PTP4A2: variants seen among roughly 807,000 people sequenced by gnomAD.
PTP4A2 encodes protein tyrosine phosphatase 4A2.
Under a neutral mutation model 22.9 loss-of-function variants are expected in PTP4A2, and 2 were observed. The ratio of observed to expected loss-of-function variants is 0.09; its 90% confidence interval spans 0.04 to 0.27. PTP4A2 has a LOEUF of 0.27. Among genes scored for constraint, PTP4A2 ranks in the 10% least tolerant of loss-of-function variants. PTP4A2 has a pLI of 1.00. For missense variants in PTP4A2, 103 were observed against 205.1 expected, an observed-to-expected ratio of 0.50 and a Z score of 3.04; for synonymous variants, 68 against 69.1, an observed-to-expected ratio of 0.98 and a Z score of 0.08.
chr1:31,937,725 C>A, intron 1 of PTP4A2: 1 of 152,770 alleles, frequency 6.5e-6, no homozygotes, highest in Non-Finnish European at 1.5e-5. Context: ...CACCTCCTCG[C>A]ACGGACACTC....
chr1:31,915,065 A>T (rs1016524902), intron 3 of PTP4A2, among the ~76,000 whole-genome samples: 4 of 152,224 alleles, frequency 2.6e-5, no homozygotes, highest in African/African-American at 9.6e-5. Context: ...TATGGACTTA[A>T]GAATGTCTGA....
intron 1 of PTP4A2, among the ~76,000 whole-genome samples, chr1:31,922,610 CTTT>C (rs1652223305): frequency 6.8e-6 from 1 of 148,078 alleles, no homozygotes; most frequent in African/African-American, 2.6e-5. Flanking sequence ...TTCTTTCTTT[CTTT>C]CTTTCTTTCT....
intron 5 of PTP4A2, 120 bp downstream of exon 5, chr1:31,909,918 A>T: frequency 1.3e-6 from 1 of 777,662 alleles, no homozygotes; most frequent in Non-Finnish European, 2.0e-6. Flanking sequence ...ATCTTCAAAT[A>T]ATACTTCAAG....
At chr1:31,926,930 G>A (rs911804747) in intron 1 of PTP4A2, among the ~76,000 whole-genome samples, 1 of 152,108 alleles carries the variant, frequency 6.6e-6, no homozygotes, top group Non-Finnish European at 1.5e-5. Context: ...ACAGGTATTT[G>A]GGGAGCATTT....
Position 31,911,813 on chromosome 1 carries a change from T to C in PTP4A2, c.203A>G (p.Asp68Gly). The C allele has an allele frequency of 1.3e-6, 2 of 1,576,420 alleles. No homozygotes were observed. Among genetic ancestry groups the C allele is most frequent in the Non-Finnish European group, 1.7e-6 (2 of 1,167,308 alleles). The change falls in exon 4 of 6, where the codon GAT becomes GGT. Residue 68 changes from aspartate (D) to glycine (G), a missense_variant. Physicochemically the swap from Asp to Gly is moderately conservative, Grantham distance 94 (BLOSUM62 -1). Coordinates refer to ENST00000647444, the MANE Select transcript of PTP4A2 (RefSeq NM_080391.4). ...EGIHVLDWPFDDGAPPPNQIV... is the reference protein window; with the variant it reads ...EGIHVLDWPFGDGAPPPNQIV... ...CTGATTAGGGGGTGGAGCTCCATCA[T>C]CAAATGGCCAATCCTGAAAAGAAAT... is the stretch of plus-strand genomic sequence containing the variant.
intron 1 of PTP4A2, among the ~76,000 whole-genome samples, chr1:31,927,628 T>C (rs72890915): frequency 0.025 from 3,793 of 152,178 alleles, 143 homozygotes; most frequent in African/African-American, 0.086. Flanking sequence ...AGGAGACAAG[T>C]AGATATAATG....
intron 1 of PTP4A2, chr1:31,924,147 C>T (rs1293202724): frequency 2.0e-5 from 3 of 152,164 alleles, no homozygotes; most frequent in Non-Finnish European, 4.4e-5. Context: ...AAGTTTTCTA[C>T]CTAGTCTCCA....
chr1:31,937,869 G>T, intron 1 of PTP4A2, 118 bp downstream of exon 1: 1 of 149,346 alleles, frequency 6.7e-6, no homozygotes, highest in Non-Finnish European at 1.5e-5. Context: ...GGCCCGGCCC[G>T]GCCCTCCTTC....
chr1:31,930,574 T>C (rs1652684742), intron 1 of PTP4A2, among the ~76,000 whole-genome samples: 1 of 152,194 alleles, frequency 6.6e-6, no homozygotes, highest in Non-Finnish European at 1.5e-5. Flanking sequence ...GTTTCTGCTG[T>C]TCAGGCACTC....
At chr1:31,918,729 C>T (rs955444458) in intron 2 of PTP4A2, among the ~76,000 whole-genome samples, 12 of 151,974 alleles carry the variant, frequency 7.9e-5, no homozygotes, top group African/African-American at 2.9e-4. Context: ...GAATGTTTGA[C>T]CAAAAAAACC....
intron 2 of PTP4A2, among the ~76,000 whole-genome samples, chr1:31,916,258 T>A (rs1651828431): frequency 7.1e-6 from 1 of 139,868 alleles, no homozygotes; most frequent in African/African-American, 2.8e-5. Flanking sequence ...GGCAGGAGAA[T>A]CGCTTGAACC....
At position 31,913,576 on chromosome 1, in the gene PTP4A2, A is replaced by AT. The variant is rs574348504; in HGVS notation, c.190-1751dup. Among the ~76,000 whole-genome samples the AT allele has an allele frequency of 1.4e-3, 207 of 144,670 alleles. 1 individual carries two copies. The highest frequency in any genetic ancestry group is 4.8e-3 in the African/African-American group (189 of 39,402). 94.9% of individuals were successfully genotyped at this position (144,670 alleles called of 152,430 possible). ...TTTCACCACATCCCTGACAACATCT[A>AT]TTTTTTTTTTTAATTTTTTGATTAC... On this transcript the variant is annotated intron_variant, in intron 3 of 5. Transcript: ENST00000647444.
At chr1:31,913,854 A>C (rs1344459717) in intron 3 of PTP4A2, 1 of 456,162 alleles carries the variant, frequency 2.2e-6, no homozygotes. Flanking sequence ...CTGTCAAAAC[A>C]AGTTGATTTT....
In PTP4A2 at chr1:31,920,372, G is replaced by A. The variant is rs532828828; in HGVS notation, c.-593-714C>T. On this transcript the variant is annotated intron_variant, in intron 1 of 5. Transcript: ENST00000647444. ...GCAGGAGAATTGCTTGAACCTGGGA[G>A]GTGGAGGTTGCAGTGAGCTGAGATT... 2.6e-5 allele frequency among the ~76,000 whole-genome samples: 4 copies of A among 151,626 alleles called. No homozygotes were observed. The South Asian group carries it at 6.2e-4, about 24-fold the overall frequency.
rs1018351064 is a variant in PTP4A2, at chr1:31,919,190, C to T, written c.-125G>A. On this transcript the variant is annotated 5_prime_UTR_variant, in exon 2 of 6. Transcript: ENST00000647444. Reference sequence around the variant, plus strand: ...AAAAGACCACTAAAATGCCTATTATCAATCAGTGTTTTCTCTATTCAACTT... The same window carrying T: ...AAAAGACCACTAAAATGCCTATTATTAATCAGTGTTTTCTCTATTCAACTT... The T allele has an allele frequency of 9.4e-6, 5 of 534,164 alleles. No individual in the cohort carries two copies. The African/African-American group carries it at 9.7e-5, about 10-fold the overall frequency. 33.1% of individuals were successfully genotyped at this position (534,164 alleles called of 1,614,324 possible). A position where few individuals can be genotyped will look rare whatever the true frequency, so the allele number is the denominator to read the frequency against.
chr1:31,908,991 T>C (rs777304535), intron 5 of PTP4A2, 31 bp from the exon 6 acceptor site: 27 of 1,512,796 alleles, frequency 1.8e-5, no homozygotes, highest in African/African-American at 1.4e-5. Context: ...AACTTTATCA[T>C]GTAAAAAAAG....
chr1:31,928,013 A>T lies in PTP4A2; in HGVS notation c.-593-8355T>A, dbSNP rs143237643. Among the ~76,000 whole-genome samples, 609 of 151,924 alleles carry T rather than the reference A, an allele frequency of 4.0e-3. 4 individuals are homozygous for T. The highest frequency in any genetic ancestry group is 0.014 in the African/African-American group (590 of 41,438). On this transcript the variant is annotated intron_variant, in intron 1 of 5. Transcript: ENST00000647444. Reference sequence around the variant, plus strand: ...TTAACTGGTCTCAAACTGAAAATTTATTCATCTCTTATAACCTACTCCCAA... The same window carrying T: ...TTAACTGGTCTCAAACTGAAAATTTTTTCATCTCTTATAACCTACTCCCAA...
At chr1:31,908,988 T>C (rs376335336) in intron 5 of PTP4A2, 28 bp from the exon 6 acceptor site, 1 of 1,523,452 alleles carries the variant, frequency 6.6e-7, no homozygotes, top group South Asian at 1.1e-5. Flanking sequence ...GCAAACTTTA[T>C]CATGTAAAAA....
chr1:31,933,005 TTC>T (rs1324680084), intron 1 of PTP4A2: 1 of 152,038 alleles, frequency 6.6e-6, no homozygotes, highest in East Asian at 1.9e-4. Context: ...AAAAGATTTT[TTC>T]TTTTTTTTTT....
Sources: gnomAD v4.1 joint callset for allele counts (sites outside exome capture counted in the v4.1 genomes callset) on GRCh38, gnomAD v4.1.1 for gene constraint, MANE v1.5 for transcripts, NCBI Gene and HGNC (gene_info 2026-07-23, HGNC 2026-07-21) for gene names.